Variants in PTPN9 observed in about 807,000 individuals in gnomAD.
PTPN9 encodes tyrosine-protein phosphatase non-receptor type 9.
A neutral mutation model predicts 69.8 loss-of-function variants in PTPN9; 26 were observed. That is an observed-to-expected ratio of 0.37 (90% CI 0.27 to 0.52). The LOEUF (loss-of-function observed/expected upper bound fraction) is 0.52. Among genes scored for constraint, PTPN9 ranks in the 20% least tolerant of loss-of-function variants. PTPN9 has a pLI of 0.91. For missense variants in PTPN9, 549 were observed against 740.3 expected (o/e 0.74, Z 3.00); for synonymous variants, 274 against 272.5 (o/e 1.01, Z -0.05).
At chr15:75,487,658 T>C (rs1412375308) in intron 8 of PTPN9, 1 of 152,240 alleles carries the variant, frequency 6.6e-6, no homozygotes, top group East Asian at 1.9e-4. Context: ...GCATATACGA[T>C]GATGATCTCA....
chr15:75,474,897 C>T (rs1276297502), intron 9 of PTPN9, among the ~76,000 whole-genome samples: 1 of 152,172 alleles, frequency 6.6e-6, no homozygotes, highest in Non-Finnish European at 1.5e-5. Flanking sequence ...AGAACATAGA[C>T]ACACCATGCT....
intron 1 of PTPN9, among the ~76,000 whole-genome samples, chr15:75,555,080 A>G (rs957994568): frequency 2.0e-5 from 3 of 152,202 alleles, no homozygotes; most frequent in Non-Finnish European, 2.9e-5. Flanking sequence ...TTCCATTTCT[A>G]TATCTCAAGA....
chr15:75,537,442 CT>C (rs1211830913), intron 1 of PTPN9, among the ~76,000 whole-genome samples: 3 of 49,738 alleles, frequency 6.0e-5, no homozygotes, highest in African/African-American at 3.8e-4. Context: ...AATATCTTCC[CT>C]AAAAAAAAAA....
intron 1 of PTPN9, among the ~76,000 whole-genome samples, chr15:75,559,613 T>C (rs1416921747): frequency 6.6e-6 from 1 of 152,062 alleles, no homozygotes; most frequent in Non-Finnish European, 1.5e-5. Context: ...TAATCTCAAG[T>C]ACCCAGGGAC....
At chr15:75,470,267 C>T (rs4886708) in intron 11 of PTPN9, among the ~76,000 whole-genome samples, 53,769 of 152,074 alleles carry the variant, frequency 0.35, 10,724 homozygotes, top group African/African-American at 0.53. Context: ...TGCAGTGGCA[C>T]GATCAAACTT....
At chr15:75,485,493 C>T (rs1183934392) in intron 8 of PTPN9, among the ~76,000 whole-genome samples, 2 of 150,834 alleles carry the variant, frequency 1.3e-5, no homozygotes, top group East Asian at 2.0e-4. Context: ...CTCAGCCTCC[C>T]GAGTAGCTGG....
At chr15:75,478,524 G>C (rs1281309451) in intron 9 of PTPN9, among the ~76,000 whole-genome samples, 1 of 152,176 alleles carries the variant, frequency 6.6e-6, no homozygotes, top group East Asian at 1.9e-4. Flanking sequence ...TCCCCCCTCA[G>C]CCTCCCAAAG....
intron 1 of PTPN9, among the ~76,000 whole-genome samples, chr15:75,567,010 T>G (rs2075129215): frequency 6.6e-6 from 1 of 150,560 alleles, no homozygotes; most frequent in African/African-American, 2.5e-5. Context: ...AAATAGCCCA[T>G]TTTTTTTCTT....
intron 8 of PTPN9, among the ~76,000 whole-genome samples, chr15:75,488,120 A>G (rs1413396788): frequency 4.6e-5 from 7 of 151,968 alleles, no homozygotes; most frequent in Non-Finnish European, 8.8e-5. Context: ...GTATCTACTA[A>G]AAATACAAAA....
chr15:75,491,497 G>A (rs2074710911), intron 7 of PTPN9, among the ~76,000 whole-genome samples: 1 of 152,264 alleles, frequency 6.6e-6, no homozygotes, highest in South Asian at 2.1e-4. Flanking sequence ...CTAAGAAGTG[G>A]GGTGCTTCTG....
chr15:75,529,887 G>A (rs1458252799), intron 1 of PTPN9, among the ~76,000 whole-genome samples: 2 of 151,704 alleles, frequency 1.3e-5, no homozygotes, highest in Admixed American at 6.6e-5. Context: ...TCCAGCCTGG[G>A]TGACAGAGCA....
At chr15:75,543,539 T>G (rs1215678554) in intron 1 of PTPN9, among the ~76,000 whole-genome samples, 2 of 152,176 alleles carry the variant, frequency 1.3e-5, no homozygotes, top group African/African-American at 4.8e-5. Context: ...TCATTCATCT[T>G]ATTGGGTAAT....
rs1431928268 is a variant in PTPN9, at chr15:75,516,068, T to C, written c.528+1191A>G. Among the ~76,000 whole-genome samples, 20 of 151,834 alleles carry C rather than the reference T, an allele frequency of 1.3e-4. 1 individual carries two copies. The highest frequency in any genetic ancestry group is 1.3e-3 in the Admixed American group (20 of 15,240). The stretch of plus-strand genomic sequence containing the variant: ...TTAGTGAGGCAACAATGAAAAAAGG[T>C]TGAGAAACACTCCCCTAGAGACCCT... On this transcript the variant is annotated intron_variant, in intron 5 of 12. Coordinates refer to ENST00000618819, the MANE Select transcript of PTPN9 (RefSeq NM_002833.4).
intron 1 of PTPN9, among the ~76,000 whole-genome samples, chr15:75,535,074 GC>G (rs1473367067): frequency 1.3e-5 from 2 of 150,920 alleles, no homozygotes; most frequent in African/African-American, 4.9e-5. Context: ...TCGGCTCACT[GC>G]AAGCTCCGTC....
intron 8 of PTPN9, among the ~76,000 whole-genome samples, chr15:75,484,211 A>G (rs2074660436): frequency 6.6e-6 from 1 of 152,226 alleles, no homozygotes. Flanking sequence ...AGTGAACTAT[A>G]TAACTCAATA....
chr15:75,514,546 T>A (rs1329529978), intron 5 of PTPN9, among the ~76,000 whole-genome samples: 1 of 152,158 alleles, frequency 6.6e-6, no homozygotes, highest in East Asian at 1.9e-4. Flanking sequence ...GCCACTGCAC[T>A]CAGCCTTGGC....
At chr15:75,514,126 A>T (rs1446386707) in intron 5 of PTPN9, among the ~76,000 whole-genome samples, 1 of 150,586 alleles carries the variant, frequency 6.6e-6, no homozygotes, top group Non-Finnish European at 1.5e-5. Flanking sequence ...AAGAAAGAAA[A>T]GTGGCAAAAA....
chr15:75,509,417 G>A lies in PTPN9; in HGVS notation c.529-390C>T, dbSNP rs145724033. 1.1e-3 allele frequency among the ~76,000 whole-genome samples: 163 copies of A among 152,274 alleles called. 2 individuals are homozygous for A. The highest frequency in any genetic ancestry group is 3.3e-3 in the African/African-American group (138 of 41,566). ...CATTAAACATTTCTCGACCAGGTGC[G>A]GTGGCTCATGCCTATAATCCCAGCA... On this transcript the variant is annotated intron_variant, in intron 5 of 12. Transcript: ENST00000618819.
At chr15:75,576,132 T>C (rs2075172000) in intron 1 of PTPN9, among the ~76,000 whole-genome samples, 1 of 148,134 alleles carries the variant, frequency 6.8e-6, no homozygotes, top group African/African-American at 2.5e-5. Flanking sequence ...CTTGGGAGGC[T>C]GAGGCAGGAG....
Sources: allele counts gnomAD v4.1 joint callset (sites outside exome capture counted in the v4.1 genomes callset), GRCh38; gene constraint gnomAD v4.1.1; transcripts MANE v1.5; gene names NCBI Gene and HGNC (gene_info 2026-07-23, HGNC 2026-07-21).